Variants in RGS6 observed in about 807,000 individuals in gnomAD.
RGS6 encodes the protein regulator of G-protein signaling 6.
Under a neutral mutation model 78.5 loss-of-function variants are expected in RGS6, and 30 were observed. The observed-to-expected ratio is 0.38, with a 90% CI of 0.29 to 0.52. RGS6 has a LOEUF of 0.52. Ranked by LOEUF, RGS6 falls within the 20% of genes least tolerant of loss-of-function variation. The pLI, the probability that RGS6 is intolerant of heterozygous loss-of-function variation, is 0.85. For missense variants in RGS6, 495 were observed against 609.7 expected, an observed-to-expected ratio of 0.81 and a Z score of 1.98; for synonymous variants, 206 against 206.0, an observed-to-expected ratio of 1.00 and a Z score of 0.00.
rs753560046 is a variant in RGS6, at chr14:72,562,605, A to G, written c.*138A>G. On this transcript the variant is annotated 3_prime_UTR_variant, in exon 18 of 18. Coordinates refer to ENST00000553525, the MANE Select transcript of RGS6 (RefSeq NM_001204424.2). ...GAAAGAGTGAGGGCAATGAAGGGCG[A>G]TGGTGGGGAGACTCGGTGGGTGAAT... is the stretch of plus-strand genomic sequence containing the variant. 52 of 1,536,876 alleles carry G rather than the reference A, an allele frequency of 3.4e-5. No individual in the cohort carries two copies. Among genetic ancestry groups the G allele is most frequent in the Non-Finnish European group, 4.3e-5 (49 of 1,146,826 alleles).
At chr14:72,143,196 C>T (rs1247590409) in intron 2 of RGS6, among the ~76,000 whole-genome samples, 1 of 152,004 alleles carries the variant, frequency 6.6e-6, no homozygotes, top group African/African-American at 2.4e-5. Context: ...GACAAAACCC[C>T]ATCTCTACTA....
In RGS6 at chr14:72,268,573, C is replaced by T. The variant is rs894644151; in HGVS notation, c.85-83522C>T. On this transcript the variant is annotated intron_variant, in intron 2 of 17. Coordinates refer to ENST00000553525, the MANE Select transcript of RGS6 (RefSeq NM_001204424.2). ...TGGATGTGGTTAGCACCATCTCTGC[C>T]GCATGTGACTTTTCAGTCATTTTCA... Among the ~76,000 whole-genome samples, 5 of 152,246 alleles carry T rather than the reference C, an allele frequency of 3.3e-5. No individual in the cohort carries two copies. In the East Asian group the frequency reaches 5.8e-4, roughly 18 times the overall value.
intron 2 of RGS6, among the ~76,000 whole-genome samples, chr14:72,165,534 CGTTTATTT>C (rs2096913267): frequency 6.6e-6 from 1 of 152,198 alleles, no homozygotes; most frequent in African/African-American, 2.4e-5. Flanking sequence ...GGGGGCTTTG[CGTTTATTT>C]GTTGTGGTCT....
At chr14:72,152,222 G>GAA (rs2096701549) in intron 2 of RGS6, among the ~76,000 whole-genome samples, 3 of 104,124 alleles carry the variant, frequency 2.9e-5, no homozygotes, top group Admixed American at 2.7e-4. Flanking sequence ...GCAGCTGCAT[G>GAA]AGAGAGAGAG....
chr14:72,069,499 GTTTA>G (rs945900983), intron 2 of RGS6, among the ~76,000 whole-genome samples: 2 of 151,874 alleles, frequency 1.3e-5, no homozygotes, highest in Admixed American at 6.6e-5. Flanking sequence ...CTTGTTGTGT[GTTTA>G]TTCTATTTTT....
At chr14:72,369,701 T>G (rs1050899341) in intron 3 of RGS6, among the ~76,000 whole-genome samples, 3 of 152,210 alleles carry the variant, frequency 2.0e-5, no homozygotes, top group Non-Finnish European at 4.4e-5. Context: ...GTAGAATTAT[T>G]TAATAAGCAT....
chr14:72,552,878 T>G (rs545569838), intron 17 of RGS6: 2 of 152,294 alleles, frequency 1.3e-5, no homozygotes, highest in African/African-American at 4.8e-5. Context: ...TTTTTATATA[T>G]GTATTTTAAG....
intron 1 of RGS6, among the ~76,000 whole-genome samples, chr14:71,941,209 A>G (rs935503510): frequency 1.3e-5 from 2 of 152,174 alleles, no homozygotes; most frequent in African/African-American, 4.8e-5. Context: ...CAGAGTCGCT[A>G]AACTCCCTGC....
chr14:72,620,354 A>T, the RGS6 span, among the ~76,000 whole-genome samples: 1 of 152,272 alleles, frequency 6.6e-6, no homozygotes, highest in Non-Finnish European at 1.5e-5. Context: ...ATTCTCCATG[A>T]CTTTATATAT....
the RGS6 span, among the ~76,000 whole-genome samples, chr14:71,875,921 G>T: frequency 6.6e-6 from 1 of 152,178 alleles, no homozygotes; most frequent in South Asian, 2.1e-4. Flanking sequence ...TCATTCAGGA[G>T]CATGTTGTTC....
chr14:71,923,932 G>A, the RGS6 span, among the ~76,000 whole-genome samples: 8 of 152,332 alleles, frequency 5.3e-5, no homozygotes, highest in South Asian at 2.1e-4. Flanking sequence ...GGAAACCTTC[G>A]TGATCTATGC....
intron 17 of RGS6, among the ~76,000 whole-genome samples, chr14:72,560,578 T>C (rs1053560182): frequency 3.3e-5 from 5 of 152,132 alleles, no homozygotes; most frequent in Non-Finnish European, 7.4e-5. Flanking sequence ...CCCTTGAAGG[T>C]CAGCCTCTGC....
At chr14:72,465,658 A>ATGGATGGG in intron 6 of RGS6, 100 bp from the exon 7 acceptor site, 1 of 761,514 alleles carries the variant, frequency 1.3e-6, no homozygotes, top group Non-Finnish European at 2.3e-6. Context: ...GGATGGATGG[A>ATGGATGGG]TGGGTGAATG....
chr14:71,896,255 C>T, the RGS6 span, among the ~76,000 whole-genome samples: 1 of 152,212 alleles, frequency 6.6e-6, no homozygotes, highest in Non-Finnish European at 1.5e-5. Flanking sequence ...AGAATGGCTA[C>T]TCCATAGACA....
chr14:72,489,160 C>CCCCT (rs1463576576), intron 12 of RGS6, among the ~76,000 whole-genome samples: 1 of 149,556 alleles, frequency 6.7e-6, no homozygotes, highest in Non-Finnish European at 1.5e-5. Flanking sequence ...AAGGGGGCCC[C>CCCCT]CCCACCGGCT....
chr14:72,136,729 C>CA (rs1402064307), intron 2 of RGS6, among the ~76,000 whole-genome samples: 1 of 152,074 alleles, frequency 6.6e-6, no homozygotes, highest in African/African-American at 2.4e-5. Context: ...AAAACTTAAT[C>CA]AAAAATAATT....
chr14:72,465,452 CATATTTTTCCCA>C, intron 6 of RGS6, among the ~76,000 whole-genome samples: 1 of 46,028 alleles, frequency 2.2e-5, no homozygotes, highest in Non-Finnish European at 5.0e-5. Context: ...ACTTAGAAAA[CATATTTTTCCCA>C]GGACAGTGCT....
At chr14:72,252,078 T>C (rs1214028474) in intron 2 of RGS6, among the ~76,000 whole-genome samples, 2 of 152,182 alleles carry the variant, frequency 1.3e-5, no homozygotes, top group African/African-American at 4.8e-5. Flanking sequence ...TTTTGTACCA[T>C]AGATAAGATG....
At position 72,217,021 on chromosome 14, in the gene RGS6, T is replaced by C. The variant is rs527389247; in HGVS notation, c.85-135074T>C. ...CGGAGGTGTGTGTTTCATTTTATAG[T>C]GGTAGCTCCTCCTAATAAAAACCTT... is the stretch of plus-strand genomic sequence containing the variant. On this transcript the variant is annotated intron_variant, in intron 2 of 17. Transcript: ENST00000553525. Among the ~76,000 whole-genome samples, 149 of 152,272 alleles carry C rather than the reference T, an allele frequency of 9.8e-4. 1 individual carries two copies. Among genetic ancestry groups the C allele is most frequent in the African/African-American group, 3.3e-3 (137 of 41,548 alleles).
Sources: allele counts gnomAD v4.1 joint callset (sites outside exome capture counted in the v4.1 genomes callset), GRCh38; gene constraint gnomAD v4.1.1; transcripts MANE v1.5; gene names NCBI Gene and HGNC (gene_info 2026-07-23, HGNC 2026-07-21).